The following HEATR4 variants were observed in gnomAD, a reference collection of about 807,000 sequenced individuals.
HEATR4 encodes the protein HEAT repeat-containing protein 4.
A neutral mutation model predicts 108.8 loss-of-function variants in HEATR4; 95 were observed. The ratio of observed to expected loss-of-function variants is 0.87; its 90% CI spans 0.74 to 1.04. The LOEUF (loss-of-function observed/expected upper bound fraction) is 1.04. HEATR4 is among the 50% of genes least tolerant of loss of function. HEATR4 has a pLI of 0.00. For synonymous variants in HEATR4, 443 were observed against 459.4 expected, an observed-to-expected ratio of 0.96 and a Z score of 0.46; for missense variants, 1,152 against 1,253.8, an observed-to-expected ratio of 0.92 and a Z score of 1.23.
At chr14:73,522,192 G>T (rs559650872) in intron 3 of HEATR4, 80 bp downstream of exon 3, 1 of 1,417,032 alleles carries the variant, frequency 7.1e-7, no homozygotes, top group Non-Finnish European at 9.7e-7. Context: ...TTCTGAAATC[G>T]GGAGTGTGAG....
chr14:73,614,130 A>G, the HEATR4 span, among the ~76,000 whole-genome samples: 1 of 150,766 alleles, frequency 6.6e-6, no homozygotes, highest in Non-Finnish European at 1.5e-5. Context: ...GATATCAGGA[A>G]GTAGAGGTTG....
intron 7 of HEATR4, among the ~76,000 whole-genome samples, chr14:73,510,887 G>A (rs544850818): frequency 1.3e-5 from 2 of 152,148 alleles, no homozygotes; most frequent in Non-Finnish European, 2.9e-5. Flanking sequence ...GGTCCACAAA[G>A]GGCCTGCCTG....
the HEATR4 span, among the ~76,000 whole-genome samples, chr14:73,576,565 G>C: frequency 6.6e-6 from 1 of 151,728 alleles, no homozygotes; most frequent in Non-Finnish European, 1.5e-5. Flanking sequence ...CACTTTGGGA[G>C]ACCAAGGCCA....
intron 17 of HEATR4, chr14:73,491,437 C>G: frequency 7.3e-7 from 1 of 1,361,094 alleles, no homozygotes; most frequent in Non-Finnish European, 9.4e-7. Context: ...CCGCGCCGGT[C>G]CGGGTGGTGG....
At chr14:73,626,153 T>G in the HEATR4 span, among the ~76,000 whole-genome samples, 2 of 152,236 alleles carry the variant, frequency 1.3e-5, no homozygotes, top group African/African-American at 4.8e-5. Flanking sequence ...CAACATTCCC[T>G]TAAGCTAAAC....
At chr14:73,546,383 G>A (rs1183685062) in intron 1 of HEATR4, among the ~76,000 whole-genome samples, 4 of 100,096 alleles carry the variant, frequency 4.0e-5, no homozygotes, top group African/African-American at 1.4e-4. Flanking sequence ...TTTTTGAGAC[G>A]AGATCTAACT....
At chr14:73,479,419 T>TTTCTTTTTC (rs71112759) in intron 17 of HEATR4, among the ~76,000 whole-genome samples, 10 of 105,160 alleles carry the variant, frequency 9.5e-5, no homozygotes, top group African/African-American at 3.5e-4. Flanking sequence ...CGGCGTTTTT[T>TTTCTTTTTC]TTTCTTTCTT....
chr14:73,598,217 C>CAAAAAAAAAAAAAAAAAAAAAA, the HEATR4 span, among the ~76,000 whole-genome samples: 1 of 54,922 alleles, frequency 1.8e-5, no homozygotes, highest in Non-Finnish European at 3.2e-5. Context: ...ACTAAAAATA[C>CAAAAAAAAAAAAAAAAAAAAAA]AAAAAAAAAA....
chr14:73,479,227 T>A (rs939474794), intron 17 of HEATR4, among the ~76,000 whole-genome samples: 1 of 152,078 alleles, frequency 6.6e-6, no homozygotes, highest in Admixed American at 6.6e-5. Context: ...GCCATTCTCC[T>A]GCCTCAGCCT....
At chr14:73,585,203 T>C in the HEATR4 span, among the ~76,000 whole-genome samples, 1 of 152,118 alleles carries the variant, frequency 6.6e-6, no homozygotes, top group Non-Finnish European at 1.5e-5. Flanking sequence ...CCTGGCCACC[T>C]TGTCTCGCTC....
the HEATR4 span, among the ~76,000 whole-genome samples, chr14:73,607,177 G>A: frequency 9.8e-5 from 15 of 152,290 alleles, no homozygotes; most frequent in African/African-American, 3.4e-4. Context: ...GGGTGTCATG[G>A]CACGTGCCTA....
At chr14:73,590,790 AG>A in the HEATR4 span, among the ~76,000 whole-genome samples, 1 of 151,770 alleles carries the variant, frequency 6.6e-6, no homozygotes, top group East Asian at 1.9e-4. Context: ...CCCCGCGGGC[AG>A]CCCCGGTTCC....
At chr14:73,626,058 T>C in the HEATR4 span, among the ~76,000 whole-genome samples, 1 of 152,238 alleles carries the variant, frequency 6.6e-6, no homozygotes, top group Admixed American at 6.5e-5. Flanking sequence ...CAATTAAAAG[T>C]CCTACTTAAG....
the HEATR4 span, among the ~76,000 whole-genome samples, chr14:73,624,541 A>G: frequency 3.9e-5 from 6 of 152,186 alleles, no homozygotes; most frequent in Non-Finnish European, 5.9e-5. Flanking sequence ...GGACAAGGCT[A>G]CAGTGAACCA....
chr14:73,595,499 C>G, the HEATR4 span: 1 of 1,613,844 alleles, frequency 6.2e-7, no homozygotes, highest in Non-Finnish European at 8.5e-7. Flanking sequence ...CCCCCTGTGC[C>G]CAGCTTCCCT....
the HEATR4 span, chr14:73,593,714 T>TC: frequency 1.2e-6 from 2 of 1,611,620 alleles, no homozygotes; most frequent in Non-Finnish European, 1.7e-6. Context: ...CCTGGACCCT[T>TC]CCCAGGGATC....
At chr14:73,616,078 C>A in the HEATR4 span, among the ~76,000 whole-genome samples, 1 of 151,622 alleles carries the variant, frequency 6.6e-6, no homozygotes, top group Non-Finnish European at 1.5e-5. Flanking sequence ...ATGATCCTCC[C>A]GCCTCTTCCT....
In HEATR4 at chr14:73,522,841, A is replaced by G. The variant is rs1489621710; in HGVS notation, c.312T>C (p.His104=). Reference sequence around the variant, plus strand: ...GCCGGGCCTTCCTGATCTGGGGAGTATGGATGATGTCATTGGTATTGTAGA... The same window carrying G: ...GCCGGGCCTTCCTGATCTGGGGAGTGTGGATGATGTCATTGGTATTGTAGA... ...DHLYNTNDII[H]TPQIRKARPQ... is the part of the protein sequence containing the mutation. Residue 104 remains histidine (H), a synonymous_variant, in exon 3 of 18, where the codon CAT becomes CAC. Transcript: ENST00000553558. The G allele has an allele frequency of 6.2e-7, 1 of 1,614,162 alleles. No homozygotes were observed.
chr14:73,484,054 A>G (rs1262672320), intron 17 of HEATR4, among the ~76,000 whole-genome samples: 2 of 151,940 alleles, frequency 1.3e-5, no homozygotes, highest in East Asian at 1.9e-4. Flanking sequence ...ACGGGGTTTT[A>G]CCATGTTGGC....
Sources: gnomAD v4.1 joint callset for allele counts (sites outside exome capture counted in the v4.1 genomes callset) on GRCh38, gnomAD v4.1.1 for gene constraint, MANE v1.5 for transcripts, NCBI Gene and HGNC (gene_info 2026-07-23, HGNC 2026-07-21) for gene names.